The following RBM26 variants were observed in gnomAD, a reference collection of about 807,000 sequenced individuals.
RBM26 encodes RNA-binding protein 26.
In RBM26, 30 loss-of-function variants were observed where a neutral mutation model predicts 123.6. The observed-to-expected ratio is 0.24, with a 90% confidence interval of 0.18 to 0.33. RBM26 has a LOEUF of 0.33. Ranked by LOEUF, RBM26 falls within the 10% of genes least tolerant of loss-of-function variation. The probability of loss-of-function intolerance (pLI) is 1.00; values close to 1 mark genes in which losing one functional copy is unlikely to be tolerated. For synonymous variants in RBM26, 400 were observed against 404.4 expected (o/e 0.99, Z 0.13); for missense variants, 947 against 1,203.6 (o/e 0.79, Z 3.15).
chr13:79,344,661 G>A lies in RBM26; in HGVS notation c.2184+8C>T. ...AAAAATTTTTTATACTATACCAGTT[G>A]TACTTACCTGTTTTTTTTTCTGTGC... is the stretch of plus-strand genomic sequence containing the variant. On this transcript the variant is annotated splice_region_variant and intron_variant, in intron 15 of 21. Transcript: ENST00000438737. 1 of 1,609,560 alleles carries A rather than the reference G, an allele frequency of 6.2e-7. No homozygotes were observed. The highest frequency in any genetic ancestry group is 1.1e-5 in the South Asian group (1 of 89,996).
intron 16 of RBM26, among the ~76,000 whole-genome samples, chr13:79,343,148 A>G (rs1369948238): frequency 6.6e-6 from 1 of 151,864 alleles, no homozygotes; most frequent in Admixed American, 6.6e-5. Context: ...TTTGAAAAAT[A>G]TATTAACAAT....
intron 1 of RBM26, among the ~76,000 whole-genome samples, chr13:79,383,556 C>T (rs2077237181): frequency 6.6e-6 from 1 of 151,820 alleles, no homozygotes. Context: ...GATTATCGTC[C>T]AAATATCGCA....
intron 1 of RBM26, among the ~76,000 whole-genome samples, chr13:79,399,985 G>A (rs2078926472): frequency 6.6e-6 from 1 of 152,156 alleles, no homozygotes; most frequent in African/African-American, 2.4e-5. Flanking sequence ...GAGTGGTTAA[G>A]TCTAAACATA....
chr13:79,365,975 A>T (rs2075228843), intron 8 of RBM26, 80 bp downstream of exon 8: 1 of 1,379,202 alleles, frequency 7.3e-7, no homozygotes, highest in East Asian at 2.3e-5. Flanking sequence ...GTCCTCACAG[A>T]GCAATTCTCT....
rs759319068 is a variant in RBM26, at chr13:79,341,161, T to C, written c.2494A>G (p.Thr832Ala). 5 of 1,610,064 alleles carry C rather than the reference T, an allele frequency of 3.1e-6. No individual in the cohort carries two copies. Among genetic ancestry groups the C allele is most frequent in the South Asian group, 2.2e-5 (2 of 90,880 alleles). ...TCTGTATACTTTCTCCTAAGTTCAG[T>C]GACTTCTTCTCCAGCCTGCATCTTC... Reference protein sequence around the residue: ...YKKMQAGEEVTELRRKYTELQ... With the variant: ...YKKMQAGEEVAELRRKYTELQ... The change falls in exon 18 of 22, where the codon ACT (threonine) becomes GCT (alanine). Residue 832 changes from threonine (T) to alanine (A), a missense_variant. Thr to Ala is a moderately conservative substitution (Grantham distance 58). Around this residue, in one of 5 missense-constraint regions of RBM26, gnomAD observed 164 missense variants for 215.3 expected, o/e 0.76. Coordinates refer to ENST00000438737, the MANE Select transcript of RBM26 (RefSeq NM_001366735.2).
At chr13:79,385,249 T>C (rs1289675382) in intron 1 of RBM26, among the ~76,000 whole-genome samples, 1 of 152,214 alleles carries the variant, frequency 6.6e-6, no homozygotes, top group Non-Finnish European at 1.5e-5. Context: ...GTTTATTACA[T>C]GCTTCACTTA....
intron 4 of RBM26, 45 bp downstream of exon 4, chr13:79,371,797 A>G (rs2075908719): frequency 1.5e-6 from 2 of 1,309,622 alleles, no homozygotes; most frequent in Non-Finnish European, 2.2e-6. Context: ...TGTATAAAAG[A>G]TAACTTACAT....
Position 79,319,975 on chromosome 13 carries a change from T to TTTAAA in RBM26, c.*645_*646insTTTAA. ...TTTTTTTTTTTTTTTTTTTTTGTCA[T>TTTAAA]TGCTTTTCTCTTTTCTTTCCTTTTT... On this transcript the variant is annotated 3_prime_UTR_variant, in exon 22 of 22. Coordinates refer to ENST00000438737, the MANE Select transcript of RBM26 (RefSeq NM_001366735.2). The TTTAAA allele has an allele frequency of 1.8e-6, 1 of 542,168 alleles. No individual in the cohort carries two copies. The highest frequency in any genetic ancestry group is 2.3e-6 in the Non-Finnish European group (1 of 441,100). The allele number at this position is 542,168 out of a possible 1,614,324, so 33.6% of individuals were successfully genotyped here. A position where few individuals can be genotyped will look rare whatever the true frequency, so the allele number is the denominator to read the frequency against.
intron 20 of RBM26, among the ~76,000 whole-genome samples, chr13:79,323,034 TAA>T (rs1007795547): frequency 1.8e-4 from 28 of 151,364 alleles, no homozygotes; most frequent in African/African-American, 6.5e-4. Context: ...AAACAAAATA[TAA>T]GTGTCTCAAT....
intron 18 of RBM26, among the ~76,000 whole-genome samples, chr13:79,338,492 A>G (rs945942918): frequency 1.3e-5 from 2 of 152,184 alleles, no homozygotes; most frequent in African/African-American, 4.8e-5. Flanking sequence ...AAAGGCACCA[A>G]CGCTGAAAGA....
Position 79,374,988 on chromosome 13 carries a change from G to C in RBM26, c.327+2391C>G, listed in dbSNP as rs1316847129. 4.8e-5 allele frequency among the ~76,000 whole-genome samples: 7 copies of C among 146,948 alleles called. No homozygotes were observed. The South Asian group carries it at 1.3e-3, about 27-fold the overall frequency. On this transcript the variant is annotated intron_variant, in intron 3 of 21. Coordinates refer to ENST00000438737, the MANE Select transcript of RBM26 (RefSeq NM_001366735.2). ...GACTGTGATTTACTCAAGATTTTCT[G>C]AGAATTAAAGCATACATATAATATA...
At chr13:79,330,017 T>G (rs947284181) in intron 20 of RBM26, among the ~76,000 whole-genome samples, 7 of 152,066 alleles carry the variant, frequency 4.6e-5, no homozygotes, top group Admixed American at 3.3e-4. Context: ...AAATAAGGAG[T>G]GGGCAAGTTG....
chr13:79,399,921 C>G (rs1051000129), intron 1 of RBM26, among the ~76,000 whole-genome samples: 2 of 151,876 alleles, frequency 1.3e-5, no homozygotes, highest in Non-Finnish European at 2.9e-5. Flanking sequence ...TTTAGATGAG[C>G]GATCCAAGCA....
At chr13:79,348,762 T>C (rs1043724714) in intron 14 of RBM26, among the ~76,000 whole-genome samples, 6 of 152,190 alleles carry the variant, frequency 3.9e-5, no homozygotes, top group Admixed American at 3.3e-4. Context: ...AGCACACAGA[T>C]GTGCGTTCTG....
In RBM26 at chr13:79,333,036, T is replaced by A. The variant is rs187873545; in HGVS notation, c.2820+1308A>T. On this transcript the variant is annotated intron_variant, in intron 20 of 21. Transcript: ENST00000438737. ...CTAGAAAATACATAAAACATAAAAC[T>A]ACCTATCTAGCAAGAGACTAAAAAT... Among the ~76,000 whole-genome samples the A allele has an allele frequency of 3.9e-5, 6 of 152,234 alleles. No homozygotes were observed. The East Asian group carries it at 7.7e-4, about 20-fold the overall frequency.
At chr13:79,367,119 C>T (rs2075336669) in intron 6 of RBM26, among the ~76,000 whole-genome samples, 1 of 151,816 alleles carries the variant, frequency 6.6e-6, no homozygotes, top group East Asian at 1.9e-4. Context: ...TGAAATGTGA[C>T]AATCTGGCTG....
At position 79,320,265 on chromosome 13, in the gene RBM26, G is replaced by T; in HGVS notation, c.*356C>A. 1 of 975,450 alleles carries T rather than the reference G, an allele frequency of 1.0e-6. No individual in the cohort carries two copies. The highest frequency in any genetic ancestry group is 1.2e-6 in the Non-Finnish European group (1 of 819,324). The allele number at this position is 975,450 out of a possible 1,614,324, so 60.4% of individuals were successfully genotyped here. A position where few individuals can be genotyped will look rare whatever the true frequency, so the allele number is the denominator to read the frequency against. ...TAAATGCAAATTCATTCCTTATTTG[G>T]AATAAAACAAAGTCCTCTAAGTTAT... is the stretch of plus-strand genomic sequence containing the variant. On this transcript the variant is annotated 3_prime_UTR_variant, in exon 22 of 22. Coordinates refer to ENST00000438737, the MANE Select transcript of RBM26 (RefSeq NM_001366735.2).
chr13:79,315,522 GAA>G (rs1351081390), downstream of RBM26, among the ~76,000 whole-genome samples: 4 of 151,660 alleles, frequency 2.6e-5, no homozygotes, highest in African/African-American at 9.7e-5. Context: ...AAAATAAAAG[GAA>G]TACATGGAAA....
rs1376838871 is a variant in RBM26, at chr13:79,405,827, G to T, written c.-53C>A. The T allele has an allele frequency of 2.5e-6, 3 of 1,207,416 alleles. No individual in the cohort carries two copies. The highest frequency in any genetic ancestry group is 3.4e-6 in the Non-Finnish European group (3 of 883,758). The allele number at this position is 1,207,416 out of a possible 1,614,324, so 74.8% of individuals were successfully genotyped here. A position where few individuals can be genotyped will look rare whatever the true frequency, so the allele number is the denominator to read the frequency against. ...TCCTCCGCCCGCCCAGGTCGCGGCC[G>T]CTACAGCCGCCGCTGCCCCCGCCCC... is the stretch of plus-strand genomic sequence containing the variant. On this transcript the variant is annotated 5_prime_UTR_variant, in exon 1 of 22. Transcript: ENST00000438737.
Sources: gnomAD v4.1 joint callset for allele counts (sites outside exome capture counted in the v4.1 genomes callset) on GRCh38, gnomAD v4.1.1 for gene constraint, gnomAD v4.1.1 regional missense constraint, MANE v1.5 for transcripts, NCBI Gene and HGNC (gene_info 2026-07-23, HGNC 2026-07-21) for gene names.